STMN2: variants seen among roughly 807,000 people sequenced by gnomAD.
STMN2 encodes stathmin 2, also known as stathmin-2.
STMN2 carries 2 observed loss-of-function variants against 24.1 expected under a neutral mutation model. That is an observed-to-expected ratio of 0.08 (90% CI 0.03 to 0.26). The LOEUF (loss-of-function observed/expected upper bound fraction) is 0.26. Ranked by LOEUF, STMN2 falls within the 10% of genes least tolerant of loss-of-function variation. STMN2 has a pLI of 1.00. For missense variants in STMN2, 114 were observed against 213.6 expected, an observed-to-expected ratio of 0.53 and a Z score of 2.91; for synonymous variants, 83 against 77.5, an observed-to-expected ratio of 1.07 and a Z score of -0.37.
At chr8:79,627,496 C>T (rs1489800378) in intron 1 of STMN2, among the ~76,000 whole-genome samples, 1 of 152,118 alleles carries the variant, frequency 6.6e-6, no homozygotes, top group African/African-American at 2.4e-5. Context: ...AAGGGAGTTC[C>T]AGATGGCATC....
At chr8:79,652,414 A>G (rs1192630662) in intron 3 of STMN2, among the ~76,000 whole-genome samples, 1 of 152,188 alleles carries the variant, frequency 6.6e-6, no homozygotes, top group Non-Finnish European at 1.5e-5. Flanking sequence ...GAGATTTCCT[A>G]TCAATACAGC....
intron 3 of STMN2, among the ~76,000 whole-genome samples, chr8:79,642,056 C>G (rs1272430111): frequency 6.6e-6 from 1 of 152,142 alleles, no homozygotes; most frequent in Admixed American, 6.5e-5. Context: ...CTTTCCTGCC[C>G]AGGGTAAGGG....
At chr8:79,654,610 C>T (rs540201152) in intron 3 of STMN2, among the ~76,000 whole-genome samples, 256 of 152,276 alleles carry the variant, frequency 1.7e-3, no homozygotes, top group African/African-American at 5.5e-3. Context: ...AAATTTGTAA[C>T]TCCTCAATGA....
chr8:79,643,228 C>CCATATA (rs1241834282), intron 3 of STMN2, among the ~76,000 whole-genome samples: 5 of 142,234 alleles, frequency 3.5e-5, no homozygotes, highest in African/African-American at 1.3e-4. Context: ...ACTAACTCGA[C>CCATATA]TATATATATA....
intron 4 of STMN2, among the ~76,000 whole-genome samples, chr8:79,657,312 T>G (rs1157734666): frequency 6.6e-6 from 1 of 152,194 alleles, no homozygotes; most frequent in Non-Finnish European, 1.5e-5. Flanking sequence ...AGCCCAGCCA[T>G]GCTCAGCTCA....
At chr8:79,613,004 T>C (rs896800304) in intron 1 of STMN2, among the ~76,000 whole-genome samples, 3 of 151,754 alleles carry the variant, frequency 2.0e-5, no homozygotes, top group African/African-American at 7.3e-5. Context: ...AAAAGCTGGC[T>C]CGAGCCCCGC....
chr8:79,663,744 C>T (rs1021389977), intron 4 of STMN2: 7 of 1,150,562 alleles, frequency 6.1e-6, no homozygotes, highest in Non-Finnish European at 6.0e-6. Context: ...ATTTATTTAG[C>T]GCCTATGATA....
chr8:79,631,559 A>AT, intron 1 of STMN2: 7 of 689,576 alleles, frequency 1.0e-5, no homozygotes, highest in Middle Eastern at 7.2e-4. Context: ...AATCTGAGTT[A>AT]TTTCTTTTTC....
At chr8:79,613,675 T>C (rs994642873) in intron 1 of STMN2, 7 of 985,482 alleles carry the variant, frequency 7.1e-6, no homozygotes, top group Middle Eastern at 5.2e-4. Context: ...AAAAGGGACG[T>C]GGATTGCTCT....
chr8:79,629,754 G>A (rs1009838659), intron 1 of STMN2, among the ~76,000 whole-genome samples: 1 of 152,034 alleles, frequency 6.6e-6, no homozygotes, highest in Admixed American at 6.6e-5. Flanking sequence ...AGTACAATTT[G>A]TACACTACCC....
chr8:79,635,024 T>G (rs1809909646), intron 1 of STMN2, among the ~76,000 whole-genome samples: 1 of 152,244 alleles, frequency 6.6e-6, no homozygotes, highest in Non-Finnish European at 1.5e-5. Context: ...TTTTCCTTAA[T>G]TTATTAATTT....
chr8:79,644,627 G>C (rs1035151366), intron 3 of STMN2, among the ~76,000 whole-genome samples: 1 of 152,152 alleles, frequency 6.6e-6, no homozygotes, highest in Non-Finnish European at 1.5e-5. Flanking sequence ...GAAGAAAATC[G>C]AGGTGTTCTC....
intron 1 of STMN2, among the ~76,000 whole-genome samples, chr8:79,622,494 A>C (rs1247771442): frequency 6.6e-6 from 1 of 152,242 alleles, no homozygotes; most frequent in Non-Finnish European, 1.5e-5. Flanking sequence ...TTGGTATCAT[A>C]TTTATGAGAC....
intron 3 of STMN2, 60 bp from the exon 4 acceptor site, chr8:79,654,811 C>T (rs1054446131): frequency 2.6e-6 from 4 of 1,549,940 alleles, no homozygotes; most frequent in Admixed American, 1.9e-5. Flanking sequence ...ATTGGTGGGC[C>T]GTTATTCTGC....
chr8:79,637,467 A>G (rs939939572), intron 2 of STMN2, among the ~76,000 whole-genome samples: 18 of 152,076 alleles, frequency 1.2e-4, no homozygotes, highest in African/African-American at 4.1e-4. Flanking sequence ...TTGAGGTGCA[A>G]CTCTTTAGGT....
At chr8:79,658,059 G>A (rs961043344) in intron 4 of STMN2, among the ~76,000 whole-genome samples, 2 of 152,212 alleles carry the variant, frequency 1.3e-5, no homozygotes, top group Non-Finnish European at 2.9e-5. Context: ...GGAGGCCAAG[G>A]CAAGAGAATT....
chr8:79,630,322 T>C (rs1809769039), intron 1 of STMN2, among the ~76,000 whole-genome samples: 1 of 152,218 alleles, frequency 6.6e-6, no homozygotes, highest in Non-Finnish European at 1.5e-5. Context: ...TTCTGAAAGT[T>C]TCTGCTTTCA....
intron 3 of STMN2, among the ~76,000 whole-genome samples, chr8:79,642,829 T>G (rs1307641193): frequency 6.6e-6 from 1 of 151,096 alleles, no homozygotes; most frequent in Non-Finnish European, 1.5e-5. Context: ...CTGATCTCAA[T>G]TTTCACCTAA....
chr8:79,647,330 T>C (rs1344346711), intron 3 of STMN2, among the ~76,000 whole-genome samples: 2 of 152,194 alleles, frequency 1.3e-5, no homozygotes, highest in Non-Finnish European at 2.9e-5. Flanking sequence ...GACATGGCTA[T>C]AGATGTGAAA....
Sources: allele counts gnomAD v4.1 joint callset (sites outside exome capture counted in the v4.1 genomes callset), GRCh38; gene constraint gnomAD v4.1.1; transcripts MANE v1.5; gene names NCBI Gene and HGNC (gene_info 2026-07-23, HGNC 2026-07-21).